Variants in RSPO3 observed in about 807,000 individuals in gnomAD.
The protein encoded by RSPO3 is R-spondin 3.
In RSPO3, 17 loss-of-function variants were observed where a neutral mutation model predicts 36.5. The ratio of observed to expected loss-of-function variants is 0.47; its 90% CI spans 0.32 to 0.70. The LOEUF is 0.70. Ranked by LOEUF, RSPO3 falls within the 30% of genes least tolerant of loss-of-function variation. RSPO3 has a pLI of 0.04. For missense variants in RSPO3, 294 were observed against 322.5 expected (o/e 0.91, Z 0.68); for synonymous variants, 108 against 107.0 (o/e 1.01, Z -0.06).
chr6:127,198,325 A>G lies in RSPO3; in HGVS notation c.*2318A>G, dbSNP rs1455143965. 6.6e-6 allele frequency among the ~76,000 whole-genome samples: 1 copy of G among 152,258 alleles called. No individual in the cohort carries two copies. Among genetic ancestry groups the G allele is most frequent in the Non-Finnish European group, 1.5e-5 (1 of 68,044 alleles). ...TATGTTGGATGAAATATAAATGAAG[A>G]AAAAGATAACATCAATTTTAACTGT... On this transcript the variant is annotated 3_prime_UTR_variant, in exon 5 of 5. Coordinates refer to ENST00000356698, the MANE Select transcript of RSPO3 (RefSeq NM_032784.5).
chr6:127,168,247 C>T lies in RSPO3; in HGVS notation c.634+12809C>T, dbSNP rs575761775. ...GTGTAAAAGTGTTCCTATTTCTCCA[C>T]ATCCTCTCCAGCACCTGTTGTTTCC... On this transcript the variant is annotated intron_variant, in intron 4 of 4. Transcript: ENST00000356698. Among the ~76,000 whole-genome samples, 779 of 152,276 alleles carry T rather than the reference C, an allele frequency of 5.1e-3. 5 individuals carry two copies. Among genetic ancestry groups the T allele is most frequent in the African/African-American group, 0.018 (728 of 41,566 alleles).
At chr6:127,158,638 G>C (rs897625072) in intron 4 of RSPO3, among the ~76,000 whole-genome samples, 5 of 152,222 alleles carry the variant, frequency 3.3e-5, no homozygotes, top group Admixed American at 1.3e-4. Flanking sequence ...ATCTAGTTGG[G>C]AGATGCTTTT....
chr6:127,170,765 C>T (rs1350212495), intron 4 of RSPO3, among the ~76,000 whole-genome samples: 1 of 151,662 alleles, frequency 6.6e-6, no homozygotes, highest in Non-Finnish European at 1.5e-5. Flanking sequence ...TACTAAGTAA[C>T]TTCAAAGAGT....
chr6:127,195,797 TTTAAAAGAGTATCC>T lies in RSPO3; in HGVS notation c.635-23_635-10del, dbSNP rs558467340. 1,189 of 1,430,800 alleles carry T rather than the reference TTTAAAAGAGTATCC, an allele frequency of 8.3e-4. 9 individuals carry two copies. The African/African-American group carries it at 0.013, about 16-fold the overall frequency. 88.6% of individuals were successfully genotyped at this position (1,430,800 alleles called of 1,614,324 possible). ...AAATAGAACATAATTGAATGTAATT[TTTAAAAGAGTATCC>T]TTTCATTTCAGGAAAAAAAGGAAGG... On this transcript the variant is annotated splice_polypyrimidine_tract_variant and intron_variant, in intron 4 of 4. Coordinates refer to ENST00000356698, the MANE Select transcript of RSPO3 (RefSeq NM_032784.5).
intron 4 of RSPO3, among the ~76,000 whole-genome samples, chr6:127,179,975 T>C (rs73771613): frequency 6.6e-6 from 1 of 151,872 alleles, no homozygotes; most frequent in South Asian, 2.1e-4. Flanking sequence ...CTGCATCTCA[T>C]GGTCAGCTGA....
At chr6:127,170,991 T>C (rs1167841235) in intron 4 of RSPO3, among the ~76,000 whole-genome samples, 1 of 151,730 alleles carries the variant, frequency 6.6e-6, no homozygotes, top group Non-Finnish European at 1.5e-5. Flanking sequence ...ATGTACTTAA[T>C]GCCACTGAAC....
chr6:127,148,986 C>A, intron 2 of RSPO3, 147 bp downstream of exon 2: 1 of 658,658 alleles, frequency 1.5e-6, no homozygotes, highest in South Asian at 3.3e-5. Context: ...TGGACTTAAC[C>A]CTCAGAACCA....
chr6:127,169,751 T>G (rs1184061948), intron 4 of RSPO3, among the ~76,000 whole-genome samples: 2 of 151,928 alleles, frequency 1.3e-5, no homozygotes, highest in Non-Finnish European at 2.9e-5. Context: ...TTGTGAAGTA[T>G]TGTTTACCAT....
At chr6:127,179,807 G>T (rs1483232848) in intron 4 of RSPO3, among the ~76,000 whole-genome samples, 6 of 151,756 alleles carry the variant, frequency 4.0e-5, no homozygotes, top group African/African-American at 1.5e-4. Context: ...ACAATCCTTG[G>T]TTCATGGCCC....
At chr6:127,167,764 C>T (rs1423294536) in intron 4 of RSPO3, among the ~76,000 whole-genome samples, 1 of 151,990 alleles carries the variant, frequency 6.6e-6, no homozygotes, top group Non-Finnish European at 1.5e-5. Flanking sequence ...TCCCCCATCC[C>T]CCCATCCCAC....
At chr6:127,131,638 T>C (rs1245605239) in intron 1 of RSPO3, among the ~76,000 whole-genome samples, 1 of 152,130 alleles carries the variant, frequency 6.6e-6, no homozygotes, top group African/African-American at 2.4e-5. Flanking sequence ...CTTAATTTTA[T>C]AATCTTCCAA....
At chr6:127,187,862 A>G (rs182758106) in intron 4 of RSPO3, among the ~76,000 whole-genome samples, 105 of 152,326 alleles carry the variant, frequency 6.9e-4, no homozygotes, top group African/African-American at 2.5e-3. Flanking sequence ...ATATTATACA[A>G]TAAAATACAG....
chr6:127,191,809 G>C (rs1258370557), intron 4 of RSPO3, among the ~76,000 whole-genome samples: 1 of 152,180 alleles, frequency 6.6e-6, no homozygotes, highest in East Asian at 1.9e-4. Context: ...CCTGCTATCT[G>C]AATTCAATAC....
chr6:127,136,065 C>A (rs1314254068), intron 1 of RSPO3, among the ~76,000 whole-genome samples: 1 of 152,110 alleles, frequency 6.6e-6, no homozygotes, highest in Non-Finnish European at 1.5e-5. Flanking sequence ...AAGTAAGTGA[C>A]TTAATTGAAG....
intron 4 of RSPO3, among the ~76,000 whole-genome samples, chr6:127,162,056 T>G (rs578118810): frequency 6.6e-6 from 1 of 152,282 alleles, no homozygotes; most frequent in South Asian, 2.1e-4. Flanking sequence ...ATGAGGAAAT[T>G]GCCATGTTTC....
At chr6:127,160,812 C>G (rs931083089) in intron 4 of RSPO3, among the ~76,000 whole-genome samples, 1 of 152,146 alleles carries the variant, frequency 6.6e-6, no homozygotes, top group Non-Finnish European at 1.5e-5. Context: ...ACCCTGCCTC[C>G]AGAGTCAAGT....
chr6:127,190,441 C>G (rs970856775), intron 4 of RSPO3, among the ~76,000 whole-genome samples: 1 of 151,686 alleles, frequency 6.6e-6, no homozygotes, highest in Non-Finnish European at 1.5e-5. Context: ...AAACAAAAAA[C>G]AAAAAAGAAA....
intron 3 of RSPO3, among the ~76,000 whole-genome samples, chr6:127,154,212 G>A (rs1043199857): frequency 6.6e-6 from 1 of 152,132 alleles, no homozygotes; most frequent in Non-Finnish European, 1.5e-5. Context: ...AAGGCAATAA[G>A]GGAGGTTACT....
intron 4 of RSPO3, among the ~76,000 whole-genome samples, chr6:127,166,166 G>T (rs527899901): frequency 6.6e-6 from 1 of 152,066 alleles, no homozygotes; most frequent in Admixed American, 6.6e-5. Context: ...AATAGTGTGT[G>T]CATGTTTACT....
Sources: allele counts gnomAD v4.1 joint callset (sites outside exome capture counted in the v4.1 genomes callset), GRCh38; gene constraint gnomAD v4.1.1; transcripts MANE v1.5; gene names NCBI Gene and HGNC (gene_info 2026-07-23, HGNC 2026-07-21).